CUBN: variants seen among roughly 807,000 people sequenced by gnomAD.
CUBN encodes cubilin, also known as 460 kDa receptor.
Under a neutral mutation model 405.3 loss-of-function variants are expected in CUBN, and 282 were observed. The ratio of observed to expected loss-of-function variants is 0.70; its 90% CI spans 0.63 to 0.77. CUBN has a LOEUF of 0.77. CUBN is among the 30% of genes least tolerant of loss of function. CUBN has a pLI of 0.00. For missense variants in CUBN, 4,514 were observed against 4,475.2 expected (o/e 1.01, Z -0.25); for synonymous variants, 1,684 against 1,617.0 (o/e 1.04, Z -0.99).
At chr10:17,074,742 C>A (rs1199282428) in intron 17 of CUBN, among the ~76,000 whole-genome samples, 3 of 152,190 alleles carry the variant, frequency 2.0e-5, no homozygotes, top group Non-Finnish European at 4.4e-5. Flanking sequence ...TCTTCAAGTA[C>A]AGCTTGCCTA....
chr10:17,084,432 C>T lies in CUBN; in HGVS notation c.2140G>A (p.Asp714Asn). The T allele has an allele frequency of 6.2e-7, 1 of 1,613,730 alleles. No homozygotes were observed. The highest frequency in any genetic ancestry group is 8.5e-7 in the Non-Finnish European group (1 of 1,179,930). ...SDLRCGGNYTDPEGELFLPEL... is the reference protein window; with the variant it reads ...SDLRCGGNYTNPEGELFLPEL... ...GGCAAGAAGAGTTCACCCTCTGGGT[C>T]CGTGTAGTTCCCACCACAACGCAGA... Residue 714 changes from aspartate to asparagine, a missense_variant, in exon 17 of 67, where the codon GAC (aspartate) becomes AAC (asparagine). By Grantham distance (23) the Asp-to-Asn change is conservative. This residue lies in a region of CUBN where 1,448 missense variants were observed against 1,388.0 expected (regional missense o/e 1.04). Transcript: ENST00000377833.
intron 38 of CUBN, 114 bp downstream of exon 38, chr10:16,938,849 G>C (rs1002958704): frequency 1.1e-6 from 1 of 909,414 alleles, no homozygotes; most frequent in Non-Finnish European, 1.8e-6. Context: ...ACATGATTTA[G>C]AGCAGACTAT....
chr10:16,858,777 C>A (rs1839934838), intron 59 of CUBN, among the ~76,000 whole-genome samples: 1 of 152,222 alleles, frequency 6.6e-6, no homozygotes, highest in Non-Finnish European at 1.5e-5. Flanking sequence ...AGGAGTTAGA[C>A]ACATAATCAA....
chr10:16,870,914 T>C (rs1247411367), intron 58 of CUBN, among the ~76,000 whole-genome samples: 3 of 152,218 alleles, frequency 2.0e-5, no homozygotes, highest in Non-Finnish European at 4.4e-5. Context: ...CAAGCAAGGC[T>C]TCTTACATGG....
chr10:16,836,444 A>C (rs1227963314), intron 62 of CUBN, 62 bp from the exon 63 acceptor site: 3 of 1,463,582 alleles, frequency 2.0e-6, no homozygotes. Context: ...AGGCCATAAC[A>C]GAAATTAGAC....
intron 28 of CUBN, among the ~76,000 whole-genome samples, chr10:16,991,784 C>T (rs2131719993): frequency 6.6e-6 from 1 of 152,254 alleles, no homozygotes; most frequent in East Asian, 1.9e-4. Context: ...CACTTTTACA[C>T]TGTTGGTGGG....
chr10:17,020,652 A>G (rs1374555591), intron 27 of CUBN, among the ~76,000 whole-genome samples: 1 of 152,178 alleles, frequency 6.6e-6, no homozygotes, highest in Admixed American at 6.5e-5. Flanking sequence ...TGTGTAATAT[A>G]CCTATTTGTG....
At chr10:16,837,472 A>G (rs1459663057) in intron 62 of CUBN, among the ~76,000 whole-genome samples, 2 of 152,174 alleles carry the variant, frequency 1.3e-5, no homozygotes, top group Non-Finnish European at 2.9e-5. Context: ...TCATTTATGA[A>G]AGACTTGAGG....
rs2131629824 is a variant in CUBN at position 16,952,378 on chromosome 10, G to A, written c.4867C>T (p.His1623Tyr). 1 of 1,608,042 alleles carries A rather than the reference G, an allele frequency of 6.2e-7. No individual in the cohort carries two copies. Among genetic ancestry groups the A allele is most frequent in the Non-Finnish European group, 8.5e-7 (1 of 1,174,530 alleles). ...RAQFRQACGG[H>Y]ILTSSFDTVS... ...GTATCAAATGAGCTGGTGAGGATGT[G>A]GCCTCCGCAGGCTGGGGAACACACA... Residue 1623 changes from histidine to tyrosine, a missense_variant, in exon 33 of 67, where the codon CAC (histidine) becomes TAC (tyrosine). Transcript: ENST00000377833.
At chr10:17,111,616 T>C (rs1243248699) in intron 8 of CUBN, among the ~76,000 whole-genome samples, 1 of 152,180 alleles carries the variant, frequency 6.6e-6, no homozygotes, top group African/African-American at 2.4e-5. Context: ...AATTTTTGTA[T>C]ATACATTAAT....
At chr10:17,043,148 C>T (rs893222682) in intron 26 of CUBN, among the ~76,000 whole-genome samples, 41 of 152,198 alleles carry the variant, frequency 2.7e-4, no homozygotes, top group Admixed American at 1.2e-3. Context: ...AAGAAGAAAC[C>T]ATGGGACCAC....
At position 16,982,660 on chromosome 10, in the gene CUBN, G is replaced by T; in HGVS notation, c.4526-7C>A. On this transcript the variant is annotated splice_region_variant and splice_polypyrimidine_tract_variant and intron_variant, in intron 30 of 66. Transcript: ENST00000377833. ...TGGAAAATCCCACCACAACCTGGAAGTGGGGAACACAATTATTTCATGAGA... is the reference window on the plus strand; with the variant it reads ...TGGAAAATCCCACCACAACCTGGAATTGGGGAACACAATTATTTCATGAGA... 1 of 1,610,772 alleles carries T rather than the reference G, an allele frequency of 6.2e-7. No individual in the cohort carries two copies. Among genetic ancestry groups the T allele is most frequent in the Non-Finnish European group, 8.5e-7 (1 of 1,177,732 alleles).
At chr10:16,960,216 G>T (rs1364268465) in intron 31 of CUBN, among the ~76,000 whole-genome samples, 1 of 152,224 alleles carries the variant, frequency 6.6e-6, no homozygotes, top group African/African-American at 2.4e-5. Flanking sequence ...ATGAGGCCGG[G>T]TGCAGTGGCT....
At chr10:16,866,306 G>A (rs1482564484) in intron 59 of CUBN, among the ~76,000 whole-genome samples, 1 of 152,156 alleles carries the variant, frequency 6.6e-6, no homozygotes, top group East Asian at 1.9e-4. Flanking sequence ...AATAGGCCAA[G>A]CAACTCTCTG....
intron 27 of CUBN, among the ~76,000 whole-genome samples, chr10:17,025,526 C>T (rs558879083): frequency 5.3e-5 from 8 of 152,284 alleles, no homozygotes; most frequent in South Asian, 2.1e-4. Context: ...AGATAAACCA[C>T]GTAAAAGGTT....
intron 56 of CUBN, among the ~76,000 whole-genome samples, chr10:16,888,042 G>C (rs1452657966): frequency 2.0e-5 from 3 of 152,204 alleles, no homozygotes; most frequent in Non-Finnish European, 2.9e-5. Flanking sequence ...CATAGAAGCA[G>C]AGAGTAGAAT....
chr10:16,934,442 T>C lies in CUBN; in HGVS notation c.5927-1158A>G, dbSNP rs1842443820. ...TTGTAGAACTAGGTCCTGATTTCTT[T>C]ACCCTATTACTATGTAGGCTACAGA... is the stretch of plus-strand genomic sequence containing the variant. On this transcript the variant is annotated intron_variant, in intron 39 of 66. Transcript: ENST00000377833. Among the ~76,000 whole-genome samples the C allele has an allele frequency of 2.0e-5, 3 of 152,358 alleles. No individual in the cohort carries two copies. The South Asian group carries it at 6.2e-4, about 32-fold the overall frequency.
intron 48 of CUBN, among the ~76,000 whole-genome samples, chr10:16,909,952 C>A (rs1043710580): frequency 1.3e-5 from 2 of 152,160 alleles, no homozygotes; most frequent in African/African-American, 4.8e-5. Flanking sequence ...TAGGCTCATT[C>A]CAGCTGGATA....
intron 28 of CUBN, among the ~76,000 whole-genome samples, chr10:16,995,522 C>T (rs1833709077): frequency 6.6e-6 from 1 of 151,828 alleles, no homozygotes; most frequent in South Asian, 2.1e-4. Context: ...TCTTTTGAAA[C>T]AGGATCTTGC....
Sources: gnomAD v4.1 joint callset for allele counts (sites outside exome capture counted in the v4.1 genomes callset) on GRCh38, gnomAD v4.1.1 for gene constraint, gnomAD v4.1.1 regional missense constraint, MANE v1.5 for transcripts, NCBI Gene and HGNC (gene_info 2026-07-23, HGNC 2026-07-21) for gene names.